Variants in CA6 observed in about 807,000 individuals in gnomAD.
CA6 encodes the protein carbonate dehydratase VI.
A neutral mutation model predicts 35.9 loss-of-function variants in CA6; 28 were observed. The observed-to-expected ratio is 0.78, with a 90% CI of 0.58 to 1.07. The LOEUF (loss-of-function observed/expected upper bound fraction) is 1.07, where lower values mean the gene tolerates loss of function less well. Ranked by LOEUF, CA6 falls within the 50% of genes least tolerant of loss-of-function variation. The pLI is 0.00. For missense variants in CA6, 377 were observed against 382.0 expected, an observed-to-expected ratio of 0.99 and a Z score of 0.11; for synonymous variants, 148 against 152.6, an observed-to-expected ratio of 0.97 and a Z score of 0.22.
intron 2 of CA6, among the ~76,000 whole-genome samples, chr1:8,953,822 T>TA (rs1639604387): frequency 6.6e-6 from 1 of 152,120 alleles, no homozygotes; most frequent in South Asian, 2.1e-4. Flanking sequence ...CCCAGGAGGT[T>TA]AAGGCATTCT....
In CA6 at chr1:8,974,350, A is replaced by G. The variant is rs747433301; in HGVS notation, c.845-272A>G. On this transcript the variant is annotated intron_variant, in intron 7 of 7. Transcript: ENST00000377443. ...GAAAACGCCTATATCCCCTCAGGCA[A>G]GGGCCACGGGGGGCATCGTGGGAGA... 8.0e-6 allele frequency: 12 copies of G among 1,498,966 alleles called. No individual in the cohort carries two copies. In the East Asian group the frequency reaches 2.7e-4, roughly 34 times the overall value. The allele number at this position is 1,498,966 out of a possible 1,614,324, so 92.9% of individuals were successfully genotyped here.
intron 5 of CA6, among the ~76,000 whole-genome samples, chr1:8,964,609 C>T (rs919904195): frequency 6.6e-6 from 1 of 152,112 alleles, no homozygotes; most frequent in Non-Finnish European, 1.5e-5. Context: ...TGCCCTAATT[C>T]CTCCCACCTC....
chr1:8,966,685 C>T (rs80048141), intron 5 of CA6, among the ~76,000 whole-genome samples: 9,219 of 152,190 alleles, frequency 0.061, 583 homozygotes, highest in African/African-American at 0.16. Flanking sequence ...CTTTAAGAAG[C>T]GCAGAAGTGC....
chr1:8,949,510 G>A, intron 2 of CA6, 68 bp downstream of exon 2: 2 of 1,334,240 alleles, frequency 1.5e-6, no homozygotes, highest in Non-Finnish European at 2.1e-6. Flanking sequence ...GGTTACACGT[G>A]TCCCTGCCAG....
chr1:8,953,267 C>T (rs1227551038), intron 2 of CA6, among the ~76,000 whole-genome samples: 4 of 152,118 alleles, frequency 2.6e-5, no homozygotes, highest in Non-Finnish European at 4.4e-5. Context: ...TTTATCCATT[C>T]ACCTATCCAA....
intron 1 of CA6, among the ~76,000 whole-genome samples, chr1:8,948,095 G>A (rs577577914): frequency 4.6e-5 from 7 of 152,052 alleles, no homozygotes; most frequent in African/African-American, 1.2e-4. Flanking sequence ...TGATCCACCC[G>A]CCTCGGCCTC....
chr1:8,969,472 A>C (rs567147063), intron 6 of CA6, among the ~76,000 whole-genome samples: 28 of 152,228 alleles, frequency 1.8e-4, no homozygotes, highest in African/African-American at 6.5e-4. Flanking sequence ...GACATTGTGT[A>C]CTGGAAAGGT....
At chr1:8,955,360 A>G (rs1231150986) in intron 2 of CA6, among the ~76,000 whole-genome samples, 1 of 152,188 alleles carries the variant, frequency 6.6e-6, no homozygotes, top group Non-Finnish European at 1.5e-5. Context: ...TGGGTGACAG[A>G]GTAAGACCCT....
At chr1:8,951,516 C>T in intron 2 of CA6, 1 of 765,190 alleles carries the variant, frequency 1.3e-6, no homozygotes, top group Non-Finnish European at 2.4e-6. Context: ...TGTTCACCCT[C>T]CCTGGACAGC....
At chr1:8,973,777 TTTCTTTCTTTTCC>T (rs1640189447) in intron 7 of CA6, among the ~76,000 whole-genome samples, 1 of 50,496 alleles carries the variant, frequency 2.0e-5, no homozygotes, top group Admixed American at 2.3e-4. Flanking sequence ...TCTTTCTTTC[TTTCTTTCTTTTCC>T]CTCCCTCCCT....
intron 2 of CA6, among the ~76,000 whole-genome samples, chr1:8,955,219 C>A (rs1165984810): frequency 1.3e-5 from 2 of 152,048 alleles, no homozygotes; most frequent in Non-Finnish European, 2.9e-5. Context: ...TACAAATAAA[C>A]TTAAAAATTA....
chr1:8,951,737 G>A (rs1200984763), intron 2 of CA6: 2 of 746,500 alleles, frequency 2.7e-6, no homozygotes, highest in East Asian at 2.4e-5. Context: ...CCGGAAGCCT[G>A]TTCCTTTGGG....
In CA6 at chr1:8,963,265, A is replaced by G. The variant is rs1047117201; in HGVS notation, c.571+609A>G. ...CCCCTCCTGCAATTCACCTGACCGG[A>G]GTCCTCCAAACCTGGGGCTTCCACA... On this transcript the variant is annotated intron_variant, in intron 5 of 7. Coordinates refer to ENST00000377443, the MANE Select transcript of CA6 (RefSeq NM_001215.4). This position sits in a 1 kb window ranked among gnomAD's most constrained non-coding sequence, Gnocchi z 4.1. Among the ~76,000 whole-genome samples the G allele has an allele frequency of 3.9e-5, 6 of 152,066 alleles. No individual in the cohort carries two copies. The highest frequency in any genetic ancestry group is 3.9e-4 in the Admixed American group (6 of 15,254).
intron 7 of CA6, among the ~76,000 whole-genome samples, chr1:8,973,738 TTC>T (rs1186882950): frequency 4.0e-3 from 79 of 19,688 alleles, no homozygotes; most frequent in African/African-American, 0.028. Flanking sequence ...CTTTCTTTCT[TTC>T]TTTCTTTCTT....
intron 1 of CA6, among the ~76,000 whole-genome samples, chr1:8,947,784 C>T (rs1639405394): frequency 1.3e-5 from 2 of 151,694 alleles, no homozygotes; most frequent in African/African-American, 2.4e-5. Flanking sequence ...TCTGAGAAGG[C>T]GTTGTGCTCC....
At chr1:8,964,909 C>T (rs763308961) in intron 5 of CA6, among the ~76,000 whole-genome samples, 1 of 152,150 alleles carries the variant, frequency 6.6e-6, no homozygotes, top group Non-Finnish European at 1.5e-5. Flanking sequence ...GGCTCTGTCT[C>T]ATCTCAGTGA....
intron 6 of CA6, among the ~76,000 whole-genome samples, chr1:8,969,769 G>A (rs747758980): frequency 3.0e-4 from 46 of 152,110 alleles, no homozygotes; most frequent in Non-Finnish European, 3.2e-4. Context: ...CATGAAAAGA[G>A]TATTATTAGA....
intron 7 of CA6, among the ~76,000 whole-genome samples, chr1:8,973,722 TTC>T (rs1290630038): frequency 4.7e-4 from 6 of 12,748 alleles, no homozygotes; most frequent in African/African-American, 2.3e-3. Flanking sequence ...CTTTCTTTCT[TTC>T]TTTCTTTCTT....
intron 2 of CA6, among the ~76,000 whole-genome samples, chr1:8,950,199 T>C (rs777253052): frequency 4.4e-4 from 67 of 151,960 alleles, no homozygotes; most frequent in Non-Finnish European, 7.5e-4. Context: ...GCCAGGCTGG[T>C]CTGGAACTCC....
Sources: allele counts gnomAD v4.1 joint callset (sites outside exome capture counted in the v4.1 genomes callset), GRCh38; gene constraint gnomAD v4.1.1; non-coding constraint Gnocchi (gnomAD v3.1); transcripts MANE v1.5; gene names NCBI Gene and HGNC (gene_info 2026-07-23, HGNC 2026-07-21).